CUL4A: variants seen among roughly 807,000 people sequenced by gnomAD.
CUL4A encodes the protein cullin-4A.
CUL4A carries 16 observed loss-of-function variants against 95.5 expected under a neutral mutation model. That is an observed-to-expected ratio of 0.17 (90% confidence interval 0.11 to 0.25). The LOEUF is 0.25. Among genes scored for constraint, CUL4A ranks in the 10% least tolerant of loss-of-function variants. CUL4A has a pLI of 1.00. For missense variants in CUL4A, 610 were observed against 937.0 expected (o/e 0.65, Z 4.56); for synonymous variants, 380 against 353.1 (o/e 1.08, Z -0.85).
chr13:113,236,248 G>A (rs1208127557), intron 8 of CUL4A, among the ~76,000 whole-genome samples: 3 of 152,158 alleles, frequency 2.0e-5, no homozygotes, highest in African/African-American at 7.2e-5. Flanking sequence ...CCAGGATCTC[G>A]AGGCAGGCCA....
chr13:113,228,588 G>A (rs141279196), intron 4 of CUL4A, among the ~76,000 whole-genome samples: 12 of 152,096 alleles, frequency 7.9e-5, no homozygotes, highest in Non-Finnish European at 1.8e-4. Flanking sequence ...GCTAGAGCTC[G>A]CTGAGGGTCT....
intron 5 of CUL4A, among the ~76,000 whole-genome samples, chr13:113,231,995 T>A: frequency 7.8e-6 from 1 of 127,910 alleles, no homozygotes; most frequent in Non-Finnish European, 1.7e-5. Flanking sequence ...ACCACCCGCC[T>A]ACCACTGTTA....
chr13:113,232,541 G>T (rs1378026023), intron 5 of CUL4A, among the ~76,000 whole-genome samples: 2 of 152,226 alleles, frequency 1.3e-5, no homozygotes, highest in South Asian at 4.1e-4. Flanking sequence ...GGGACAGTAG[G>T]AGTGTTGAAG....
chr13:113,262,526 G>A (rs2042308976), intron 19 of CUL4A, among the ~76,000 whole-genome samples: 1 of 152,166 alleles, frequency 6.6e-6, no homozygotes, highest in South Asian at 2.1e-4. Flanking sequence ...TGTGCAGCCT[G>A]TGATCCCAGC....
rs907603701 is a variant in CUL4A, at chr13:113,224,246, G to A, written c.369-3730G>A. On this transcript the variant is annotated intron_variant, in intron 3 of 19. Transcript: ENST00000375440. Reference sequence around the variant, plus strand: ...CGGGCACCTGTAGTCCCAGCTACTCGGGAGGCTGAGGCAGGAGAATGGCAT... The same window carrying A: ...CGGGCACCTGTAGTCCCAGCTACTCAGGAGGCTGAGGCAGGAGAATGGCAT... Among the ~76,000 whole-genome samples the A allele has an allele frequency of 1.9e-4, 29 of 152,222 alleles. 1 individual carries two copies. Among genetic ancestry groups the A allele is most frequent in the South Asian group, 2.1e-4 (1 of 4,822 alleles).
chr13:113,240,367 C>G (rs1214452616), intron 10 of CUL4A, among the ~76,000 whole-genome samples: 1 of 152,238 alleles, frequency 6.6e-6, no homozygotes, highest in Non-Finnish European at 1.5e-5. Flanking sequence ...TGCTGAAGAC[C>G]CTCTAATGAG....
At chr13:113,242,934 A>T in intron 10 of CUL4A, 34 bp from the exon 11 acceptor site, 7 of 1,551,200 alleles carry the variant, frequency 4.5e-6, no homozygotes, top group Non-Finnish European at 6.2e-6. Flanking sequence ...TATTGTAAAC[A>T]TGTTGCTGAG....
At chr13:113,254,912 C>A in intron 17 of CUL4A, 41 bp from the exon 18 acceptor site, 1 of 1,605,220 alleles carries the variant, frequency 6.2e-7, no homozygotes, top group Non-Finnish European at 8.5e-7. Flanking sequence ...GAGTCTCATT[C>A]GTTTAACGCC....
At chr13:113,232,050 C>CGCCCACCACCATTACTGCCACCACTACCT (rs2041340243) in intron 5 of CUL4A, among the ~76,000 whole-genome samples, 5 of 84,698 alleles carry the variant, frequency 5.9e-5, no homozygotes, top group African/African-American at 2.2e-4. Context: ...CACCACTACC[C>CGCCCACCACCATTACTGCCACCACTACCT]GCCCACCACC....
chr13:113,213,983 T>C (rs1359789061), intron 2 of CUL4A, among the ~76,000 whole-genome samples: 1 of 152,258 alleles, frequency 6.6e-6, no homozygotes. Flanking sequence ...GTGAAATTAC[T>C]GATGTCTGAT....
upstream of CUL4A, chr13:113,209,545 GA>G: frequency 1.2e-6 from 1 of 819,474 alleles, no homozygotes. Context: ...GGACGGGGCG[GA>G]GGCCGCGCGG....
At chr13:113,227,400 CTT>C (rs1030512313) in intron 3 of CUL4A, among the ~76,000 whole-genome samples, 1 of 152,178 alleles carries the variant, frequency 6.6e-6, no homozygotes, top group African/African-American at 2.4e-5. Flanking sequence ...TCTGGGGTCT[CTT>C]TTGTAACCCC....
At chr13:113,239,614 G>T in intron 10 of CUL4A, 63 bp downstream of exon 10, 1 of 1,272,928 alleles carries the variant, frequency 7.9e-7, no homozygotes, top group South Asian at 1.4e-5. Context: ...AGCCCCTCCT[G>T]AGAACGCCTA....
intron 10 of CUL4A, 46 bp downstream of exon 10, chr13:113,239,597 G>A: frequency 1.4e-6 from 2 of 1,439,508 alleles, no homozygotes; most frequent in East Asian, 2.4e-5. Context: ...TTCCCTGCAG[G>A]GAGCAGAGCC....
intron 2 of CUL4A, among the ~76,000 whole-genome samples, chr13:113,211,644 C>T (rs1305446172): frequency 1.3e-5 from 2 of 152,204 alleles, no homozygotes; most frequent in Non-Finnish European, 2.9e-5. Context: ...CTCGGTCTCT[C>T]AAAGTGCTGG....
intron 2 of CUL4A, among the ~76,000 whole-genome samples, chr13:113,215,757 G>A (rs28566888): frequency 1.0e-5 from 1 of 96,560 alleles, no homozygotes; most frequent in Non-Finnish European, 2.2e-5. Flanking sequence ...TGTAGAGGTC[G>A]CTGTGTGACT....
At chr13:113,242,469 A>G (rs1009147743) in intron 10 of CUL4A, among the ~76,000 whole-genome samples, 1 of 152,208 alleles carries the variant, frequency 6.6e-6, no homozygotes, top group African/African-American at 2.4e-5. Flanking sequence ...ACAGAATCGT[A>G]AGACCAATGC....
At chr13:113,232,096 GT>G (rs2041348583) in intron 5 of CUL4A, among the ~76,000 whole-genome samples, 1 of 144,516 alleles carries the variant, frequency 6.9e-6, no homozygotes, top group Middle Eastern at 3.4e-3. Context: ...CACCATTACT[GT>G]CACCACTACC....
At chr13:113,212,250 A>G (rs2040476956) in intron 2 of CUL4A, among the ~76,000 whole-genome samples, 1 of 152,160 alleles carries the variant, frequency 6.6e-6, no homozygotes, top group African/African-American at 2.4e-5. Context: ...CCTAGTCTTC[A>G]ACTTGTCTTT....
Sources: allele counts gnomAD v4.1 joint callset (sites outside exome capture counted in the v4.1 genomes callset), GRCh38; gene constraint gnomAD v4.1.1; transcripts MANE v1.5; gene names NCBI Gene and HGNC (gene_info 2026-07-23, HGNC 2026-07-21).